The following MYZAP variants were observed in gnomAD, a reference collection of about 807,000 sequenced individuals.
MYZAP encodes myocardial zonula adherens protein.
A neutral mutation model predicts 69.4 loss-of-function variants in MYZAP; 66 were observed. The observed-to-expected ratio is 0.95, with a 90% CI of 0.78 to 1.17. The LOEUF is 1.17. Among genes scored for constraint, MYZAP ranks in the 50% most tolerant of loss-of-function variants. The pLI, the probability that MYZAP is intolerant of heterozygous loss-of-function variation, is 0.00. For missense variants in MYZAP, 611 were observed against 556.2 expected (o/e 1.10, Z -0.99); for synonymous variants, 256 against 205.9 (o/e 1.24, Z -2.09).
chr15:57,648,589 C>A, intron 10 of MYZAP: 1 of 479,300 alleles, frequency 2.1e-6, no homozygotes, highest in Non-Finnish European at 2.7e-6. Flanking sequence ...AGCTGGCAGT[C>A]TCTCAGCAAA....
intron 10 of MYZAP, among the ~76,000 whole-genome samples, chr15:57,658,994 T>C (rs1277635831): frequency 6.6e-6 from 1 of 152,214 alleles, no homozygotes; most frequent in Admixed American, 6.5e-5. Flanking sequence ...ACAGATGCTT[T>C]ATTTTTTCCT....
At chr15:57,679,964 CTGGGT>C (rs2039345691) in intron 12 of MYZAP, among the ~76,000 whole-genome samples, 1 of 152,164 alleles carries the variant, frequency 6.6e-6, no homozygotes, top group Admixed American at 6.5e-5. Context: ...GAAGTTAGAC[CTGGGT>C]TTGGGTCCTG....
chr15:57,682,099 G>A (rs182517466), intron 12 of MYZAP, among the ~76,000 whole-genome samples: 35 of 152,254 alleles, frequency 2.3e-4, no homozygotes, highest in Non-Finnish European at 1.9e-4. Flanking sequence ...AATTTCCCAT[G>A]TCAGTTTAAG....
chr15:57,674,119 T>G (rs766846902), intron 11 of MYZAP, among the ~76,000 whole-genome samples: 11 of 152,074 alleles, frequency 7.2e-5, no homozygotes, highest in Non-Finnish European at 1.6e-4. Flanking sequence ...ACATAACCAC[T>G]GTTCACTTCT....
chr15:57,669,127 G>A (rs1304987902), intron 11 of MYZAP, among the ~76,000 whole-genome samples: 2 of 152,086 alleles, frequency 1.3e-5, no homozygotes, highest in African/African-American at 2.4e-5. Context: ...GAGCTCAAGT[G>A]ATCAGCCCAT....
chr15:57,629,838 A>G lies in MYZAP; in HGVS notation c.662A>G (p.Gln221Arg), dbSNP rs1251844060. Reference sequence around the variant, plus strand: ...TTGGAGGTAGCGCAAGTTGAAAACCAGCTGCTAAAAATGAAGGTGGAGTAT... The same window carrying G: ...TTGGAGGTAGCGCAAGTTGAAAACCGGCTGCTAAAAATGAAGGTGGAGTAT... ...RQLEVAQVEN[Q>R]LLKMKVESSQ... Residue 221 changes from glutamine to arginine, a missense_variant, in exon 6 of 13, where the codon CAG (glutamine) becomes CGG (arginine). Coordinates refer to ENST00000267853, the MANE Select transcript of MYZAP (RefSeq NM_001018100.5). The G allele has an allele frequency of 6.2e-7, 1 of 1,613,608 alleles. No individual in the cohort carries two copies. Among genetic ancestry groups the G allele is most frequent in the Admixed American group, 1.7e-5 (1 of 59,840 alleles).
At chr15:57,666,826 G>T (rs1266145452) in intron 11 of MYZAP, among the ~76,000 whole-genome samples, 3 of 151,964 alleles carry the variant, frequency 2.0e-5, no homozygotes, top group African/African-American at 7.3e-5. Context: ...TAAAATAAAT[G>T]TGAAAAAGAA....
chr15:57,661,409 G>A (rs370481683), intron 10 of MYZAP, 41 bp from the exon 11 acceptor site: 41 of 1,460,372 alleles, frequency 2.8e-5, no homozygotes, highest in Non-Finnish European at 3.8e-5. Flanking sequence ...TTACACAATT[G>A]TACATTTTTG....
intron 2 of MYZAP, among the ~76,000 whole-genome samples, chr15:57,616,077 A>G (rs1473036525): frequency 6.6e-6 from 1 of 152,244 alleles, no homozygotes; most frequent in Non-Finnish European, 1.5e-5. Context: ...AAGTTTAATC[A>G]TCATCACATA....
chr15:57,675,345 A>T (rs759859406), intron 12 of MYZAP, among the ~76,000 whole-genome samples: 1 of 152,004 alleles, frequency 6.6e-6, no homozygotes, highest in Non-Finnish European at 1.5e-5. Flanking sequence ...TCCTTCCTTC[A>T]TTCATTCAAC....
At chr15:57,632,808 T>A (rs2036587307) in intron 7 of MYZAP, among the ~76,000 whole-genome samples, 1 of 152,204 alleles carries the variant, frequency 6.6e-6, no homozygotes, top group South Asian at 2.1e-4. Flanking sequence ...TTCTAGCTCA[T>A]CTGACAATTT....
chr15:57,652,588 G>T (rs533723214), intron 10 of MYZAP, among the ~76,000 whole-genome samples: 2 of 152,266 alleles, frequency 1.3e-5, no homozygotes, highest in South Asian at 4.1e-4. Context: ...GTCACAGTGG[G>T]TATGTGGGGA....
chr15:57,674,610 TG>T (rs2039025358), intron 11 of MYZAP, among the ~76,000 whole-genome samples: 2 of 152,234 alleles, frequency 1.3e-5, no homozygotes, highest in Non-Finnish European at 2.9e-5. Context: ...ATCCATAGAA[TG>T]GAATACTATT....
At chr15:57,679,898 C>T (rs1213379603) in intron 12 of MYZAP, among the ~76,000 whole-genome samples, 3 of 152,154 alleles carry the variant, frequency 2.0e-5, no homozygotes, top group Admixed American at 6.5e-5. Flanking sequence ...TGGCCGAGTG[C>T]GCCATCTCTT....
At chr15:57,658,972 AG>A (rs1187608000) in intron 10 of MYZAP, among the ~76,000 whole-genome samples, 2 of 152,226 alleles carry the variant, frequency 1.3e-5, no homozygotes, top group Admixed American at 1.3e-4. Flanking sequence ...CAGTTTGAAC[AG>A]AGAAGGCAAG....
chr15:57,664,532 C>A (rs1268574584), intron 11 of MYZAP, among the ~76,000 whole-genome samples: 1 of 152,210 alleles, frequency 6.6e-6, no homozygotes, highest in Non-Finnish European at 1.5e-5. Flanking sequence ...CTGCCCAACT[C>A]TCCACTTGAT....
At chr15:57,672,607 T>C (rs1355132564) in intron 11 of MYZAP, among the ~76,000 whole-genome samples, 1 of 152,190 alleles carries the variant, frequency 6.6e-6, no homozygotes, top group African/African-American at 2.4e-5. Flanking sequence ...CCAATCCAGC[T>C]TTCACTTGGG....
chr15:57,646,294 T>A, intron 10 of MYZAP: 1 of 1,260,512 alleles, frequency 7.9e-7, no homozygotes, highest in Non-Finnish European at 1.0e-6. Flanking sequence ...TTATCTATGA[T>A]GAGCCAATGA....
At chr15:57,639,074 G>A (rs2036978214) in intron 9 of MYZAP, among the ~76,000 whole-genome samples, 1 of 152,178 alleles carries the variant, frequency 6.6e-6, no homozygotes, top group Non-Finnish European at 1.5e-5. Flanking sequence ...ACTTTGTGTG[G>A]TCATCACATA....
Sources: allele counts gnomAD v4.1 joint callset (sites outside exome capture counted in the v4.1 genomes callset), GRCh38; gene constraint gnomAD v4.1.1; transcripts MANE v1.5; gene names NCBI Gene and HGNC (gene_info 2026-07-23, HGNC 2026-07-21).